Variants in FAF1 observed in about 807,000 individuals in gnomAD.
FAF1 encodes FAS-associated factor 1.
In FAF1, 25 loss-of-function variants were observed where a neutral mutation model predicts 92.5. That is an observed-to-expected ratio of 0.27 (90% confidence interval 0.20 to 0.38). FAF1 has a LOEUF of 0.38. Ranked by LOEUF, FAF1 falls within the 10% of genes least tolerant of loss-of-function variation. FAF1 has a pLI of 1.00. For missense variants in FAF1, 636 were observed against 793.3 expected (o/e 0.80, Z 2.38); for synonymous variants, 234 against 273.2 (o/e 0.86, Z 1.42).
At chr1:50,452,019 T>C in intron 18 of FAF1, 1 of 1,268,078 alleles carries the variant, frequency 7.9e-7, no homozygotes. Flanking sequence ...TAAATGACAA[T>C]ATAAGTGGGG....
chr1:50,550,058 G>A (rs1217012221), intron 13 of FAF1, among the ~76,000 whole-genome samples: 2 of 151,936 alleles, frequency 1.3e-5, no homozygotes, highest in African/African-American at 4.8e-5. Context: ...ATATAAAAAT[G>A]TGGGAGTGCA....
At chr1:50,557,806 T>G (rs1372105132) in intron 13 of FAF1, among the ~76,000 whole-genome samples, 1 of 152,174 alleles carries the variant, frequency 6.6e-6, no homozygotes, top group African/African-American at 2.4e-5. Context: ...TGAGAGCAGT[T>G]AAGGAAACAA....
intron 8 of FAF1, among the ~76,000 whole-genome samples, chr1:50,641,314 A>G (rs1002166676): frequency 2.0e-5 from 3 of 152,172 alleles, no homozygotes; most frequent in African/African-American, 7.2e-5. Flanking sequence ...CCTTTTAAAT[A>G]TAAGCATTTA....
chr1:50,810,868 G>A (rs572205847), intron 2 of FAF1, among the ~76,000 whole-genome samples: 1 of 152,308 alleles, frequency 6.6e-6, no homozygotes, highest in South Asian at 2.1e-4. Flanking sequence ...GGCCAACATG[G>A]TGAGACCCCG....
chr1:50,585,897 A>AAAAAG (rs1558005272), intron 9 of FAF1, among the ~76,000 whole-genome samples: 3 of 150,594 alleles, frequency 2.0e-5, no homozygotes, highest in Admixed American at 6.6e-5. Context: ...AAAAAAAAAA[A>AAAAAG]AAAAGAAAAA....
chr1:50,740,800 T>G (rs1275775955), intron 5 of FAF1, among the ~76,000 whole-genome samples: 1 of 152,144 alleles, frequency 6.6e-6, no homozygotes, highest in Non-Finnish European at 1.5e-5. Flanking sequence ...CTTTTGAAAT[T>G]GATGAGTTAT....
At chr1:50,874,704 T>C (rs925170264) in intron 1 of FAF1, among the ~76,000 whole-genome samples, 1 of 151,578 alleles carries the variant, frequency 6.6e-6, no homozygotes, top group African/African-American at 2.4e-5. Flanking sequence ...AAGTCAGAAA[T>C]GTTTATAGAT....
chr1:50,535,509 TCAAA>T (rs774678020), intron 14 of FAF1, 52 bp from the exon 15 acceptor site: 1 of 1,018,844 alleles, frequency 9.8e-7, no homozygotes, highest in African/African-American at 1.6e-5. Context: ...ATATATAACT[TCAAA>T]TTATTAAAGT....
At chr1:50,935,834 T>C (rs1233788613) in intron 1 of FAF1, among the ~76,000 whole-genome samples, 1 of 152,208 alleles carries the variant, frequency 6.6e-6, no homozygotes, top group Non-Finnish European at 1.5e-5. Context: ...TGTGGTATAT[T>C]TGCAGCATCA....
At chr1:50,802,955 G>C (rs1318183333) in intron 2 of FAF1, among the ~76,000 whole-genome samples, 3 of 152,180 alleles carry the variant, frequency 2.0e-5, no homozygotes, top group African/African-American at 7.2e-5. Context: ...GAAATAAATA[G>C]AGTGTAGGGT....
At chr1:50,959,214 T>C (rs781675010) in intron 1 of FAF1, among the ~76,000 whole-genome samples, 10 of 152,186 alleles carry the variant, frequency 6.6e-5, no homozygotes, top group Non-Finnish European at 1.3e-4. Context: ...GTCTCCTTGT[T>C]ATCTTCTTAC....
In FAF1 at chr1:50,700,978, T is replaced by G. The variant is rs1188873665; in HGVS notation, c.657+4808A>C. Reference sequence around the variant, plus strand: ...TATTTATAAAATGATCCCTACTGATTTATATTCATTTGAAGTGGTATGATT... The same window carrying G: ...TATTTATAAAATGATCCCTACTGATGTATATTCATTTGAAGTGGTATGATT... On this transcript the variant is annotated intron_variant, in intron 7 of 18. Coordinates refer to ENST00000396153, the MANE Select transcript of FAF1 (RefSeq NM_007051.3). Among the ~76,000 whole-genome samples the G allele has an allele frequency of 2.0e-5, 3 of 152,090 alleles. No homozygotes were observed. The East Asian group carries it at 5.8e-4, about 29-fold the overall frequency.
intron 1 of FAF1, among the ~76,000 whole-genome samples, chr1:50,865,484 T>C (rs1220893118): frequency 2.1e-5 from 3 of 145,812 alleles, no homozygotes; most frequent in Non-Finnish European, 4.5e-5. Flanking sequence ...GTGGCACATA[T>C]ACACCGTGGA....
At chr1:50,490,446 A>AGGAAGGAC (rs1646821038) in intron 17 of FAF1, 142 bp downstream of exon 17, 1 of 405,246 alleles carries the variant, frequency 2.5e-6, no homozygotes, top group East Asian at 2.9e-5. Flanking sequence ...GAAGGAAGGA[A>AGGAAGGAC]GGAAGGAAGG....
intron 8 of FAF1, among the ~76,000 whole-genome samples, chr1:50,626,935 G>A (rs951155879): frequency 3.9e-5 from 6 of 152,170 alleles, no homozygotes; most frequent in African/African-American, 1.4e-4. Flanking sequence ...CAGCAAGACA[G>A]AGAGAAATTA....
chr1:50,565,564 T>C (rs1650139465), intron 13 of FAF1, among the ~76,000 whole-genome samples: 1 of 152,218 alleles, frequency 6.6e-6, no homozygotes, highest in Admixed American at 6.5e-5. Flanking sequence ...CAAACTCTTA[T>C]TACTAGTGTA....
intron 1 of FAF1, among the ~76,000 whole-genome samples, chr1:50,918,934 T>A (rs1333405418): frequency 1.3e-5 from 2 of 152,078 alleles, no homozygotes; most frequent in Non-Finnish European, 2.9e-5. Flanking sequence ...TGCATTTCTC[T>A]GATGGCCAGT....
At chr1:50,646,073 T>A (rs1336296644) in intron 8 of FAF1, among the ~76,000 whole-genome samples, 1 of 152,216 alleles carries the variant, frequency 6.6e-6, no homozygotes, top group African/African-American at 2.4e-5. Flanking sequence ...ACCCATGTAA[T>A]CTTCACAATA....
chr1:50,567,366 C>T lies in FAF1; in HGVS notation c.1114-135G>A, dbSNP rs143928457. On this transcript the variant is annotated intron_variant, in intron 12 of 18. Coordinates refer to ENST00000396153, the MANE Select transcript of FAF1 (RefSeq NM_007051.3). Reference sequence around the variant, plus strand: ...TGCTATTCCCTAAGAGAGTACTTTACATTTTGGAGTTCCTAAAGCATCTAA... The same window carrying T: ...TGCTATTCCCTAAGAGAGTACTTTATATTTTGGAGTTCCTAAAGCATCTAA... 3.0e-3 allele frequency: 1,673 copies of T among 552,884 alleles called. 3 individuals carry two copies. Among genetic ancestry groups the T allele is most frequent in the Admixed American group, 5.0e-3 (138 of 27,810 alleles). 34.2% of individuals were successfully genotyped at this position (552,884 alleles called of 1,614,324 possible).
Sources: allele counts gnomAD v4.1 joint callset (sites outside exome capture counted in the v4.1 genomes callset), GRCh38; gene constraint gnomAD v4.1.1; transcripts MANE v1.5; gene names NCBI Gene and HGNC (gene_info 2026-07-23, HGNC 2026-07-21).